Variants in EDA observed in about 807,000 individuals in gnomAD.
The protein encoded by EDA is ectodysplasin-A.
A neutral mutation model predicts 23.6 loss-of-function variants in EDA; 2 were observed. That is an observed-to-expected ratio of 0.08 (90% CI 0.03 to 0.27). The LOEUF is 0.27. EDA is among the 10% of genes least tolerant of loss of function. The pLI, the probability that EDA is intolerant of heterozygous loss-of-function variation, is 1.00. For synonymous variants in EDA, 131 were observed against 132.0 expected (o/e 0.99, Z 0.05); for missense variants, 229 against 324.2 (o/e 0.71, Z 2.26).
At chrX:69,784,360 C>T (rs1183641955) in intron 1 of EDA, among the ~76,000 whole-genome samples, 2 of 101,261 alleles carry the variant, frequency 2.0e-5, no homozygotes, top group Admixed American at 1.1e-4. Context: ...ACATGAAGTC[C>T]TTGCCCATGC....
intron 1 of EDA, among the ~76,000 whole-genome samples, chrX:69,736,395 T>A (rs994814288): frequency 2.7e-5 from 3 of 110,315 alleles, no homozygotes; most frequent in African/African-American, 6.6e-5. Flanking sequence ...AGTGGTGCGA[T>A]CTCGGCTCGC....
intron 1 of EDA, among the ~76,000 whole-genome samples, chrX:69,711,575 C>T (rs1037589858): frequency 1.8e-5 from 2 of 111,501 alleles, no homozygotes; most frequent in Admixed American, 1.9e-4. Flanking sequence ...ATGGTACCAG[C>T]TCCTCCTTGT....
chrX:69,669,328 GGTT>G (rs1569289561), intron 1 of EDA, among the ~76,000 whole-genome samples: 2 of 110,537 alleles, frequency 1.8e-5, no homozygotes, highest in South Asian at 7.7e-4. Context: ...TATTATTTAT[GGTT>G]GTTTTTTAGC....
chrX:69,990,043 C>T (rs1384154986), intron 2 of EDA, among the ~76,000 whole-genome samples: 5 of 105,897 alleles, frequency 4.7e-5, no homozygotes, highest in African/African-American at 1.7e-4. Context: ...TCATCTCTGT[C>T]ATCTCACTGT....
At chrX:69,938,746 C>T (rs1397541507) in intron 1 of EDA, among the ~76,000 whole-genome samples, 1 of 112,052 alleles carries the variant, frequency 8.9e-6, no homozygotes, top group Non-Finnish European at 1.9e-5. Context: ...AGATTTAAGT[C>T]TTTAATCCAT....
chrX:69,968,151 T>C (rs1360938010), intron 2 of EDA, among the ~76,000 whole-genome samples: 1 of 111,262 alleles, frequency 9.0e-6, no homozygotes, highest in African/African-American at 3.3e-5. Flanking sequence ...TTATAAGTAA[T>C]TCACAAAGGT....
intron 1 of EDA, among the ~76,000 whole-genome samples, chrX:69,936,966 G>GT (rs1042328697): frequency 2.9e-5 from 3 of 101,765 alleles, no homozygotes; most frequent in African/African-American, 1.1e-4. Context: ...TCTTTTGTGG[G>GT]TTTTTTTGTT....
At chrX:69,904,639 C>A (rs1041692793) in intron 1 of EDA, among the ~76,000 whole-genome samples, 4 of 112,316 alleles carry the variant, frequency 3.6e-5, no homozygotes, top group African/African-American at 1.3e-4. Context: ...CATGAGCCAT[C>A]GTGCCTGGCC....
intron 1 of EDA, among the ~76,000 whole-genome samples, chrX:69,709,413 T>C (rs2011876145): frequency 8.9e-6 from 1 of 111,924 alleles, no homozygotes; most frequent in African/African-American, 3.2e-5. Context: ...TTGAGTATGG[T>C]CTTTGAAATG....
intron 1 of EDA, among the ~76,000 whole-genome samples, chrX:69,927,758 G>T (rs1391772564): frequency 2.7e-5 from 3 of 109,732 alleles, no homozygotes; most frequent in Middle Eastern, 4.7e-3. Flanking sequence ...CCAGCTTTTT[G>T]ATTGCCTTTT....
intron 1 of EDA, among the ~76,000 whole-genome samples, chrX:69,633,365 T>C (rs1026942309): frequency 8.9e-6 from 1 of 112,305 alleles, no homozygotes; most frequent in African/African-American, 3.2e-5. Flanking sequence ...GAGATATAAT[T>C]TACATAACTT....
chrX:69,962,209 T>C (rs1385353359), intron 2 of EDA, among the ~76,000 whole-genome samples: 1 of 111,793 alleles, frequency 8.9e-6, no homozygotes, highest in Non-Finnish European at 1.9e-5. Context: ...GGTAAGAGAA[T>C]AAAATTGCAG....
At chrX:69,781,025 C>T (rs969137176) in intron 1 of EDA, among the ~76,000 whole-genome samples, 6 of 111,817 alleles carry the variant, frequency 5.4e-5, no homozygotes, top group African/African-American at 1.9e-4. Context: ...TGATGTCTTT[C>T]ACTTAGCATG....
intron 1 of EDA, among the ~76,000 whole-genome samples, chrX:69,772,521 A>G (rs775917788): frequency 1.8e-5 from 2 of 111,533 alleles, no homozygotes; most frequent in Non-Finnish European, 3.8e-5. Context: ...TCAGGGGTAC[A>G]TGTGCAGGTT....
intron 2 of EDA, among the ~76,000 whole-genome samples, chrX:69,988,080 A>C (rs2147462045): frequency 8.9e-6 from 1 of 112,540 alleles, no homozygotes; most frequent in Admixed American, 9.4e-5. Context: ...CTAGTATCAA[A>C]AAGACTGAAC....
At chrX:69,783,150 T>A (rs764804863) in intron 1 of EDA, among the ~76,000 whole-genome samples, 71 of 111,703 alleles carry the variant, frequency 6.4e-4, no homozygotes, top group Non-Finnish European at 1.0e-3. Flanking sequence ...TATGCTATTG[T>A]CATTGGAGTT....
intron 1 of EDA, among the ~76,000 whole-genome samples, chrX:69,854,025 CA>C (rs2017191454): frequency 9.0e-6 from 1 of 111,317 alleles, no homozygotes; most frequent in Admixed American, 9.6e-5. Flanking sequence ...ATTTTATGGT[CA>C]GGGGTACATG....
intron 2 of EDA, among the ~76,000 whole-genome samples, chrX:69,973,850 C>T (rs767529282): frequency 1.4e-4 from 15 of 110,866 alleles, no homozygotes; most frequent in African/African-American, 4.2e-4. Flanking sequence ...AAGTAAATCC[C>T]CTATGTTGAA....
In EDA at chrX:69,733,264, T is replaced by A. The variant is rs371027526; in HGVS notation, c.396+116560T>A. 3.2e-4 allele frequency among the ~76,000 whole-genome samples: 36 copies of A among 111,993 alleles called. No homozygotes were observed. The South Asian group carries it at 0.012, about 38-fold the overall frequency. ...ACATTTAAGTCTTTAATCCATCTTGTATTAATTTTTGTATAAGGTGTAAGG... is the reference window on the plus strand; with the variant it reads ...ACATTTAAGTCTTTAATCCATCTTGAATTAATTTTTGTATAAGGTGTAAGG... On this transcript the variant is annotated intron_variant, in intron 1 of 7. Transcript: ENST00000374552.
Sources: gnomAD v4.1 joint callset for allele counts (sites outside exome capture counted in the v4.1 genomes callset) on GRCh38, gnomAD v4.1.1 for gene constraint, MANE v1.5 for transcripts, NCBI Gene and HGNC (gene_info 2026-07-23, HGNC 2026-07-21) for gene names.